OSBPL10: variants seen among roughly 807,000 people sequenced by gnomAD.
The protein encoded by OSBPL10 is oxysterol binding protein like 10.
OSBPL10 carries 49 observed loss-of-function variants against 81.7 expected under a neutral mutation model. The ratio of observed to expected loss-of-function variants is 0.60; its 90% CI spans 0.48 to 0.76. OSBPL10 has a LOEUF of 0.76. OSBPL10 is among the 30% of genes least tolerant of loss of function. The pLI, the probability that OSBPL10 is intolerant of heterozygous loss-of-function variation, is 0.00. For missense variants in OSBPL10, 923 were observed against 987.8 expected (o/e 0.93, Z 0.88); for synonymous variants, 419 against 383.6 (o/e 1.09, Z -1.08).
At chr3:31,788,397 T>G (rs2125786553) in intron 4 of OSBPL10, among the ~76,000 whole-genome samples, 1 of 152,348 alleles carries the variant, frequency 6.6e-6, no homozygotes, top group African/African-American at 2.4e-5. Flanking sequence ...AATTCTTAAT[T>G]CCACTTAGTC....
At chr3:31,859,876 C>A (rs1316078715) in intron 3 of OSBPL10, among the ~76,000 whole-genome samples, 1 of 152,172 alleles carries the variant, frequency 6.6e-6, no homozygotes, top group Admixed American at 6.5e-5. Context: ...GGCCAAGAGC[C>A]CAGCAAAGTA....
At chr3:31,692,308 G>C (rs1695583633) in intron 7 of OSBPL10, among the ~76,000 whole-genome samples, 1 of 152,146 alleles carries the variant, frequency 6.6e-6, no homozygotes, top group African/African-American at 2.4e-5. Flanking sequence ...TAGGCTGATT[G>C]TGAGTATTAA....
At chr3:31,737,299 C>T (rs1697207778) in intron 5 of OSBPL10, among the ~76,000 whole-genome samples, 1 of 152,144 alleles carries the variant, frequency 6.6e-6, no homozygotes, top group East Asian at 1.9e-4. Flanking sequence ...AAAAAACATT[C>T]TTACGTGGAG....
intron 2 of OSBPL10, among the ~76,000 whole-genome samples, chr3:32,016,363 G>A (rs1037231859): frequency 5.9e-5 from 9 of 151,994 alleles, no homozygotes; most frequent in East Asian, 1.9e-4. Context: ...ACCAAACACC[G>A]CATGTTCTCA....
At position 31,862,724 on chromosome 3, in the gene OSBPL10, A is replaced by C. The variant is rs561785605; in HGVS notation, c.537+13709T>G. Among the ~76,000 whole-genome samples the C allele has an allele frequency of 3.9e-5, 6 of 152,326 alleles. No homozygotes were observed. In the East Asian group the frequency reaches 1.2e-3, roughly 29 times the overall value. On this transcript the variant is annotated intron_variant, in intron 3 of 11. Coordinates refer to ENST00000396556, the MANE Select transcript of OSBPL10 (RefSeq NM_017784.5). ...TTAGGGAAATGCAAATCAAAATTAC[A>C]AGGAGGTATCACTTCACACCCACTA...
chr3:31,974,463 T>A (rs898316309), intron 1 of OSBPL10, among the ~76,000 whole-genome samples: 4 of 152,162 alleles, frequency 2.6e-5, no homozygotes, highest in African/African-American at 9.7e-5. Context: ...TGTGACCCTA[T>A]GAATAGGGTC....
rs1260845001 is a variant in OSBPL10, at chr3:31,847,323, A to C, written c.538-17092T>G. ...GCAATTCTCGTGCCTCGGCCTCCTA[A>C]GAAGCTGGGAGTACAGGCGTGCCCA... On this transcript the variant is annotated intron_variant, in intron 3 of 11. Transcript: ENST00000396556. 9.2e-5 allele frequency among the ~76,000 whole-genome samples: 14 copies of C among 152,096 alleles called. No homozygotes were observed. The East Asian group carries it at 2.5e-3, about 27-fold the overall frequency.
intron 1 of OSBPL10, among the ~76,000 whole-genome samples, chr3:31,959,566 A>G (rs1024802635): frequency 6.6e-6 from 1 of 152,226 alleles, no homozygotes; most frequent in African/African-American, 2.4e-5. Flanking sequence ...CCAGAACATC[A>G]GATGAGTCTC....
chr3:31,744,665 C>T (rs1289570573), intron 5 of OSBPL10, among the ~76,000 whole-genome samples: 1 of 151,798 alleles, frequency 6.6e-6, no homozygotes, highest in Non-Finnish European at 1.5e-5. Flanking sequence ...TTTAGGGACA[C>T]TTCTTGGTCT....
chr3:31,885,426 C>G (rs998760348), intron 1 of OSBPL10, among the ~76,000 whole-genome samples: 3 of 152,148 alleles, frequency 2.0e-5, no homozygotes, highest in African/African-American at 7.2e-5. Context: ...TGCACATGTT[C>G]TCACTCGTTC....
chr3:32,026,732 C>T (rs1446276704), intron 2 of OSBPL10, among the ~76,000 whole-genome samples: 1 of 152,210 alleles, frequency 6.6e-6, no homozygotes, highest in East Asian at 1.9e-4. Context: ...ATAGCCCACA[C>T]AGCTGCATTT....
At chr3:31,763,106 C>G (rs960816478) in intron 4 of OSBPL10, among the ~76,000 whole-genome samples, 3 of 152,146 alleles carry the variant, frequency 2.0e-5, no homozygotes, top group Non-Finnish European at 4.4e-5. Context: ...GAAAAGAAAA[C>G]ACAATTTATA....
intron 2 of OSBPL10, among the ~76,000 whole-genome samples, chr3:32,000,875 G>A (rs982474071): frequency 9.9e-5 from 15 of 152,142 alleles, no homozygotes; most frequent in African/African-American, 1.7e-4. Flanking sequence ...ACTCTAAGAC[G>A]TGCAGCTTTC....
Position 31,862,723 on chromosome 3 carries a change from C to A in OSBPL10, c.537+13710G>T, listed in dbSNP as rs543550110. On this transcript the variant is annotated intron_variant, in intron 3 of 11. Coordinates refer to ENST00000396556, the MANE Select transcript of OSBPL10 (RefSeq NM_017784.5). The stretch of plus-strand genomic sequence containing the variant: ...ATTAGGGAAATGCAAATCAAAATTA[C>A]AAGGAGGTATCACTTCACACCCACT... Among the ~76,000 whole-genome samples the A allele has an allele frequency of 3.9e-5, 6 of 152,102 alleles. No individual in the cohort carries two copies. In the East Asian group the frequency reaches 1.2e-3, roughly 29 times the overall value.
chr3:31,916,952 A>T (rs2125700746), intron 1 of OSBPL10, among the ~76,000 whole-genome samples: 1 of 152,330 alleles, frequency 6.6e-6, no homozygotes, highest in East Asian at 1.9e-4. Flanking sequence ...GACTAAATAT[A>T]TCTCTTTTGT....
chr3:31,841,851 A>G (rs1700506553), intron 3 of OSBPL10, among the ~76,000 whole-genome samples: 1 of 152,260 alleles, frequency 6.6e-6, no homozygotes, highest in African/African-American at 2.4e-5. Context: ...CAATAAAAGT[A>G]TGAAAATAAT....
At chr3:31,876,307 G>T (rs1701468322) in intron 3 of OSBPL10, 126 bp downstream of exon 3, 2 of 734,422 alleles carry the variant, frequency 2.7e-6, no homozygotes, top group East Asian at 2.6e-5. Context: ...AGGACAAGTA[G>T]GAATTCCACT....
chr3:31,812,960 G>T (rs1302782204), intron 4 of OSBPL10, among the ~76,000 whole-genome samples: 1 of 152,048 alleles, frequency 6.6e-6, no homozygotes, highest in Non-Finnish European at 1.5e-5. Context: ...AGAAGTTTTT[G>T]TTTACTCCTA....
At chr3:31,742,787 C>T (rs1697393809) in intron 5 of OSBPL10, among the ~76,000 whole-genome samples, 1 of 152,156 alleles carries the variant, frequency 6.6e-6, no homozygotes, top group Non-Finnish European at 1.5e-5. Context: ...GTTCCCCTCC[C>T]ACACTTGAAA....
Sources: allele counts gnomAD v4.1 joint callset (sites outside exome capture counted in the v4.1 genomes callset), GRCh38; gene constraint gnomAD v4.1.1; transcripts MANE v1.5; gene names NCBI Gene and HGNC (gene_info 2026-07-23, HGNC 2026-07-21).